Variants in ROBO2 observed in about 807,000 individuals in gnomAD.
ROBO2 encodes the protein roundabout homolog 2.
In ROBO2, 53 loss-of-function variants were observed where a neutral mutation model predicts 160.8. The observed-to-expected ratio is 0.33, with a 90% CI of 0.26 to 0.41. ROBO2 has a LOEUF of 0.41. Ranked by LOEUF, ROBO2 falls within the 10% of genes least tolerant of loss-of-function variation. ROBO2 has a pLI of 1.00. For missense variants in ROBO2, 1,577 were observed against 1,722.4 expected, an observed-to-expected ratio of 0.92 and a Z score of 1.49; for synonymous variants, 664 against 611.7, an observed-to-expected ratio of 1.09 and a Z score of -1.26.
chr3:77,308,042 A>G (rs951710464), intron 2 of ROBO2, among the ~76,000 whole-genome samples: 25 of 151,980 alleles, frequency 1.6e-4, no homozygotes, highest in Non-Finnish European at 2.1e-4. Flanking sequence ...CCTGAATTAT[A>G]TTAAAAATAT....
chr3:76,736,583 CTT>C (rs2107956585), intron 2 of ROBO2, among the ~76,000 whole-genome samples: 1 of 152,218 alleles, frequency 6.6e-6, no homozygotes, highest in East Asian at 1.9e-4. Context: ...AATAGACAGA[CTT>C]TTAGAATTTC....
chr3:77,568,340 A>C (rs1286890345), exon 13 of ROBO2: 17 of 1,613,006 alleles, frequency 1.1e-5, no homozygotes, highest in Non-Finnish European at 1.4e-5. Flanking sequence ...CAAGGAGTGG[A>C]CCACAGGCAA....
At chr3:76,412,849 C>G (rs1013867221) in intron 2 of ROBO2, among the ~76,000 whole-genome samples, 2 of 152,196 alleles carry the variant, frequency 1.3e-5, no homozygotes, top group African/African-American at 4.8e-5. Flanking sequence ...AGGACAATGG[C>G]CCTCTTCTCA....
intron 1 of ROBO2, among the ~76,000 whole-genome samples, chr3:77,093,321 C>G (rs993460428): frequency 6.6e-6 from 1 of 152,128 alleles, no homozygotes; most frequent in African/African-American, 2.4e-5. Flanking sequence ...TGAGCTGTTT[C>G]ATGGCACTTC....
At chr3:76,403,523 C>T (rs952735626) in intron 2 of ROBO2, among the ~76,000 whole-genome samples, 34 of 151,552 alleles carry the variant, frequency 2.2e-4, no homozygotes, top group Non-Finnish European at 3.8e-4. Context: ...CCAAGTTCTC[C>T]AAAATGCTAT....
At chr3:77,552,076 GA>G (rs2092940403) in intron 8 of ROBO2, among the ~76,000 whole-genome samples, 1 of 151,940 alleles carries the variant, frequency 6.6e-6, no homozygotes, top group Admixed American at 6.6e-5. Flanking sequence ...GCAGTGATGA[GA>G]AATTCTTCCT....
intron 2 of ROBO2, among the ~76,000 whole-genome samples, chr3:76,331,096 A>AT (rs1277373841): frequency 6.6e-6 from 1 of 152,182 alleles, no homozygotes; most frequent in East Asian, 1.9e-4. Context: ...TAAGATATAG[A>AT]TTTTTTAATA....
intron 2 of ROBO2, among the ~76,000 whole-genome samples, chr3:76,801,165 T>C (rs2064168098): frequency 6.6e-6 from 1 of 152,178 alleles, no homozygotes; most frequent in Admixed American, 6.5e-5. Context: ...AGACAAACTT[T>C]GCATGTTCTC....
At chr3:77,293,383 G>C (rs1451066506) in intron 2 of ROBO2, among the ~76,000 whole-genome samples, 4 of 150,150 alleles carry the variant, frequency 2.7e-5, no homozygotes, top group Non-Finnish European at 4.4e-5. Context: ...GCTGAGGCTA[G>C]ATCACCCCAG....
chr3:77,323,003 T>C (rs373808644), intron 2 of ROBO2, among the ~76,000 whole-genome samples: 2,734 of 108,420 alleles, frequency 0.025, no homozygotes, highest in Non-Finnish European at 0.04. Flanking sequence ...TAATATATTA[T>C]ATTATATTAT....
intron 2 of ROBO2, among the ~76,000 whole-genome samples, chr3:76,547,513 G>A (rs1277463473): frequency 2.6e-5 from 4 of 151,588 alleles, no homozygotes; most frequent in African/African-American, 9.7e-5. Flanking sequence ...AAGAAAGAAA[G>A]CATTAAACTC....
At chr3:76,069,656 C>G (rs1286562761) in intron 2 of ROBO2, among the ~76,000 whole-genome samples, 2 of 150,934 alleles carry the variant, frequency 1.3e-5, no homozygotes, top group African/African-American at 4.9e-5. Context: ...ACATCCTAAA[C>G]TGTATTTAGT....
At chr3:77,247,878 C>T (rs1355308933) in intron 2 of ROBO2, among the ~76,000 whole-genome samples, 1 of 152,142 alleles carries the variant, frequency 6.6e-6, no homozygotes, top group East Asian at 1.9e-4. Context: ...AGATCCTGGG[C>T]AGAAGACAGT....
intron 2 of ROBO2, among the ~76,000 whole-genome samples, chr3:77,368,296 C>T (rs536280140): frequency 4.4e-4 from 67 of 152,022 alleles, no homozygotes; most frequent in African/African-American, 1.4e-3. Flanking sequence ...AGCTATGCAT[C>T]CAAGAGCACA....
chr3:77,354,576 G>A (rs2068801491), intron 2 of ROBO2, among the ~76,000 whole-genome samples: 1 of 152,180 alleles, frequency 6.6e-6, no homozygotes, highest in African/African-American at 2.4e-5. Flanking sequence ...ATTGTCAACT[G>A]AAATGTCCAT....
intron 2 of ROBO2, among the ~76,000 whole-genome samples, chr3:76,102,804 T>C (rs1165675571): frequency 1.3e-5 from 2 of 150,870 alleles, no homozygotes; most frequent in Non-Finnish European, 2.9e-5. Context: ...GATGAAGGAA[T>C]ATGTTTTAAT....
rs576852288 is a variant in ROBO2 at position 75,922,347 on chromosome 3, G to A, written c.-13-15134G>A. Reference sequence around the variant, plus strand: ...TACGGTTAAAACTAAATATCTAAACGTAGCCCTAACCAATAACAGAAAATT... The same window carrying A: ...TACGGTTAAAACTAAATATCTAAACATAGCCCTAACCAATAACAGAAAATT... On this transcript the variant is annotated intron_variant, in intron 1 of 26. Coordinates refer to the ROBO2 transcript ENST00000487694. Among the ~76,000 whole-genome samples the A allele has an allele frequency of 1.2e-3, 186 of 152,090 alleles. 1 individual carries two copies. The highest frequency in any genetic ancestry group is 4.3e-3 in the African/African-American group (177 of 41,526).
chr3:76,780,207 G>GT lies in ROBO2; in HGVS notation c.110-317797dup, dbSNP rs373457051. Among the ~76,000 whole-genome samples the GT allele has an allele frequency of 1.8e-3, 259 of 146,244 alleles. 1 individual carries two copies. Among genetic ancestry groups the GT allele is most frequent in the African/African-American group, 5.2e-3 (212 of 40,546 alleles). ...GAGACAGTTTTTTTTTTGTTTGTTTGTTTTTTTTTTGGAGAGCTGTCTATT... is the reference window on the plus strand; with the variant it reads ...GAGACAGTTTTTTTTTTGTTTGTTTGTTTTTTTTTTTGGAGAGCTGTCTATT... On this transcript the variant is annotated intron_variant, in intron 2 of 26. Coordinates refer to the ROBO2 transcript ENST00000487694.
At chr3:76,655,019 A>C (rs2109950903) in intron 2 of ROBO2, among the ~76,000 whole-genome samples, 1 of 150,890 alleles carries the variant, frequency 6.6e-6, no homozygotes, top group Non-Finnish European at 1.5e-5. Context: ...AGGCCCATGC[A>C]TGAGAATGTT....
Sources: gnomAD v4.1 joint callset for allele counts (sites outside exome capture counted in the v4.1 genomes callset) on GRCh38, gnomAD v4.1.1 for gene constraint, MANE v1.5 for transcripts, NCBI Gene and HGNC (gene_info 2026-07-23, HGNC 2026-07-21) for gene names.